HNRNPA2B1: variants seen among roughly 807,000 people sequenced by gnomAD.
HNRNPA2B1 encodes heterogeneous nuclear ribonucleoprotein A2/B1.
A neutral mutation model predicts 46.3 loss-of-function variants in HNRNPA2B1; 3 were observed. The ratio of observed to expected loss-of-function variants is 0.06; its 90% confidence interval spans 0.03 to 0.17. HNRNPA2B1 has a LOEUF of 0.17. HNRNPA2B1 is among the 10% of genes least tolerant of loss of function. The pLI, the probability that HNRNPA2B1 is intolerant of heterozygous loss-of-function variation, is 1.00. For missense variants in HNRNPA2B1, 221 were observed against 418.9 expected (o/e 0.53, Z 4.12); for synonymous variants, 225 against 133.8 (o/e 1.68, Z -4.70).
intron 9 of HNRNPA2B1, 152 bp downstream of exon 9, chr7:26,193,099 A>T: frequency 1.4e-6 from 1 of 693,324 alleles, no homozygotes; most frequent in Non-Finnish European, 2.3e-6. Flanking sequence ...ACTTCTGTGG[A>T]GATTTATGCA....
At chr7:26,192,608 A>T in intron 9 of HNRNPA2B1, 31 bp from the exon 10 acceptor site, 1 of 1,584,330 alleles carries the variant, frequency 6.3e-7, no homozygotes, top group Non-Finnish European at 8.7e-7. Context: ...AGAGAAAACA[A>T]ACTTACTTTG....
chr7:26,200,161 GGA>G (rs931027058), intron 1 of HNRNPA2B1: 7 of 227,788 alleles, frequency 3.1e-5, no homozygotes, highest in South Asian at 1.4e-4. Context: ...CCGGTTCCCG[GGA>G]GAGAGGGGGA....
chr7:26,192,522 T>A lies in HNRNPA2B1; in HGVS notation c.1020A>T (p.Arg340=), dbSNP rs1463876907. ...GGSGGYGGRS[R]Y ...ATGGCAAATAGGAAGAAGCTCAGTA[T>A]CGGCTCCTCCCACCATAACCCCCAC... is the stretch of plus-strand genomic sequence containing the variant. Residue 340 remains arginine, a synonymous_variant, in exon 10 of 11, where the codon CGA becomes CGT. Coordinates refer to ENST00000618183, the MANE Select transcript of HNRNPA2B1 (RefSeq NM_002137.4). 1.9e-6 allele frequency: 3 copies of A among 1,613,604 alleles called. No individual in the cohort carries two copies. Among genetic ancestry groups the A allele is most frequent in the South Asian group, 1.1e-5 (1 of 91,068 alleles).
chr7:26,192,165 A>G lies in HNRNPA2B1; in HGVS notation c.*195T>C, dbSNP rs1319567004. 1 of 194,042 alleles carries G rather than the reference A, an allele frequency of 5.2e-6. No individual in the cohort carries two copies. Among genetic ancestry groups the G allele is most frequent in the African/African-American group, 2.4e-5 (1 of 42,514 alleles). The allele number at this position is 194,042 out of a possible 1,614,324, so 12.0% of individuals were successfully genotyped here. A position where few individuals can be genotyped will look rare whatever the true frequency, so the allele number is the denominator to read the frequency against. On this transcript the variant is annotated 3_prime_UTR_variant, in exon 11 of 11. Transcript: ENST00000618183. Reference sequence around the variant, plus strand: ...CTCCACAGTAAGGTAATGTTATTAAATAATCCAATCCATTCACAAAATGGC... The same window carrying G: ...CTCCACAGTAAGGTAATGTTATTAAGTAATCCAATCCATTCACAAAATGGC...
At position 26,196,667 on chromosome 7, in the gene HNRNPA2B1, A is replaced by T. The variant is rs758888079; in HGVS notation, c.476-9T>A. ...GGTATGGTATTTCTGCACTGGAATGAAAAATTCAGACTCCTTTTAAATTAA... is the reference window on the plus strand; with the variant it reads ...GGTATGGTATTTCTGCACTGGAATGTAAAATTCAGACTCCTTTTAAATTAA... On this transcript the variant is annotated splice_polypyrimidine_tract_variant and intron_variant, in intron 4 of 10. Transcript: ENST00000618183. The T allele has an allele frequency of 1.9e-6, 3 of 1,606,244 alleles. No homozygotes were observed. The highest frequency in any genetic ancestry group is 1.7e-6 in the Non-Finnish European group (2 of 1,174,200).
Position 26,197,658 on chromosome 7 carries a change from G to T in HNRNPA2B1, c.81C>A (p.Asn27Lys). The T allele has an allele frequency of 1.9e-6, 3 of 1,613,830 alleles. No individual in the cohort carries two copies. Among genetic ancestry groups the T allele is most frequent in the Non-Finnish European group, 2.5e-6 (3 of 1,179,810 alleles). The change falls in exon 2 of 11, where the codon AAC becomes AAA. Residue 27 changes from asparagine to lysine, a missense_variant. Coordinates refer to ENST00000618183, the MANE Select transcript of HNRNPA2B1 (RefSeq NM_002137.4). The part of the protein sequence containing the change: ...SFETTEESLR[N>K]YYEQWGKLTD... ...TAAGCTTTCCCCATTGTTCGTAGTA[G>T]TTCCTCAAACTTTCTTCTGTGGTTT...
At position 26,190,284 on chromosome 7, in the gene HNRNPA2B1, T is replaced by C. The variant is rs560954292; in HGVS notation, c.*2076A>G. The C allele has an allele frequency of 6.5e-6, 1 of 152,786 alleles. No homozygotes were observed. Among genetic ancestry groups the C allele is most frequent in the Admixed American group, 6.5e-5 (1 of 15,302 alleles). The allele number at this position is 152,786 out of a possible 1,614,324, so 9.5% of individuals were successfully genotyped here. ...ACACTCATTTTGTAATTGTTTTATA[T>C]CAAGAACCTCAACTAAATGTTTGTT... On this transcript the variant is annotated 3_prime_UTR_variant, in exon 11 of 11. Transcript: ENST00000618183.
At chr7:26,192,628 G>T (rs767113404) in intron 9 of HNRNPA2B1, 51 bp from the exon 10 acceptor site, 3 of 1,448,622 alleles carry the variant, frequency 2.1e-6, no homozygotes, top group Non-Finnish European at 2.9e-6. Context: ...GATTTCCCAT[G>T]ATCAGCCTAA....
intron 9 of HNRNPA2B1, among the ~76,000 whole-genome samples, 164 bp from the exon 10 acceptor site, chr7:26,192,741 G>A (rs761139957): frequency 7.2e-5 from 11 of 152,050 alleles, no homozygotes; most frequent in East Asian, 1.9e-4. Context: ...AAATTACTCG[G>A]GTTCATAGAC....
chr7:26,196,515 TA>T, intron 5 of HNRNPA2B1, 34 bp from the exon 6 acceptor site: 1 of 1,613,034 alleles, frequency 6.2e-7, no homozygotes, highest in East Asian at 2.2e-5. Context: ...AGCAAGCCCT[TA>T]TATATGAACA....
At chr7:26,193,839 C>G (rs1216629924) in intron 7 of HNRNPA2B1, 145 bp from the exon 8 acceptor site, 2 of 735,530 alleles carry the variant, frequency 2.7e-6, no homozygotes, top group Non-Finnish European at 4.4e-6. Flanking sequence ...GACTGAATAA[C>G]TATCCTTGGT....
intron 1 of HNRNPA2B1, 188 bp downstream of exon 1, chr7:26,200,384 G>A (rs893139311): frequency 1.5e-5 from 10 of 676,992 alleles, no homozygotes; most frequent in Non-Finnish European, 2.7e-5. Context: ...GGGAGGCTGA[G>A]GGTGGGGAAG....
At chr7:26,195,024 G>A (rs1451891647) in intron 7 of HNRNPA2B1, among the ~76,000 whole-genome samples, 2 of 147,260 alleles carry the variant, frequency 1.4e-5, no homozygotes, top group Non-Finnish European at 3.0e-5. Flanking sequence ...GACCGGGAAG[G>A]CAGAGATTGC....
chr7:26,193,182 CCCTTT>C lies in HNRNPA2B1; in HGVS notation c.964+64_964+68del, dbSNP rs56684003. 0.013 allele frequency: 19,476 copies of C among 1,452,114 alleles called. 165 individuals carry two copies. Among genetic ancestry groups the C allele is most frequent in the Non-Finnish European group, 0.016 (16,459 of 1,048,106 alleles). The allele number at this position is 1,452,114 out of a possible 1,614,324, so 90.0% of individuals were successfully genotyped here. On this transcript the variant is annotated intron_variant, in intron 9 of 10. Coordinates refer to ENST00000618183, the MANE Select transcript of HNRNPA2B1 (RefSeq NM_002137.4). ...TACAAACTACTTAGTATGTTATCTT[CCCTTT>C]AAGTCACAAAAGGCTAATCCTTTAA...
rs746137254 is a variant in HNRNPA2B1 at position 26,192,611 on chromosome 7, T to A, written c.965-34A>T. On this transcript the variant is annotated intron_variant, in intron 9 of 10. Coordinates refer to ENST00000618183, the MANE Select transcript of HNRNPA2B1 (RefSeq NM_002137.4). ...GTTGGAACAGCAAGAGAAAACAAAC[T>A]TACTTTGATTTCCCATGATCAGCCT... 5 of 1,560,014 alleles carry A rather than the reference T, an allele frequency of 3.2e-6. No homozygotes were observed. The African/African-American group carries it at 4.1e-5, about 13-fold the overall frequency.
At chr7:26,199,952 T>G (rs1418032299) in intron 1 of HNRNPA2B1, 3 of 152,252 alleles carry the variant, frequency 2.0e-5, no homozygotes, top group Admixed American at 2.0e-4. Flanking sequence ...GCGCCTTTAA[T>G]GAGGTGCGCA....
chr7:26,200,666 GCGCTGTAGTGAGAACTGC>G lies in HNRNPA2B1; in HGVS notation c.-107_-90del. On this transcript the variant is annotated 5_prime_UTR_variant, in exon 1 of 11. Coordinates refer to ENST00000618183, the MANE Select transcript of HNRNPA2B1 (RefSeq NM_002137.4). Reference sequence around the variant, plus strand: ...ACGAACACGAACCGGACTCGTCCTGGCGCTGTAGTGAGAACTGCCGCTGCTCGAGAAACAACTCTGCGA... The same window carrying G: ...ACGAACACGAACCGGACTCGTCCTGGCGCTGCTCGAGAAACAACTCTGCGA... 1 of 1,537,998 alleles carries G rather than the reference GCGCTGTAGTGAGAACTGC, an allele frequency of 6.5e-7. No homozygotes were observed. Among genetic ancestry groups the G allele is most frequent in the Non-Finnish European group, 9.0e-7 (1 of 1,114,194 alleles).
Position 26,196,568 on chromosome 7 carries a change from C to G in HNRNPA2B1, c.566G>C (p.Ser189Thr). 6.2e-7 allele frequency: 1 copy of G among 1,613,656 alleles called. No homozygotes were observed. The highest frequency in any genetic ancestry group is 8.5e-7 in the Non-Finnish European group (1 of 1,179,554). ...QEMQEVQSSR[S>T]GRGGNFGFGD... ...AGAATTAAAATTACCTCCTCTTCCA[C>G]TCCTAGAACTCTGAACTTCCTGCAT... The change falls in exon 5 of 11, where the codon AGT becomes ACT. Residue 189 changes from serine to threonine, a missense_variant. This residue lies in a region of HNRNPA2B1 where 143 missense variants were observed against 200.5 expected (regional missense o/e 0.71). Transcript: ENST00000618183.
chr7:26,195,690 T>C, intron 7 of HNRNPA2B1, 157 bp downstream of exon 7: 2 of 732,628 alleles, frequency 2.7e-6, no homozygotes, highest in African/African-American at 1.8e-5. Context: ...ACAGCTAAGA[T>C]GGCAAAACTA....
Sources: gnomAD v4.1 joint callset for allele counts (sites outside exome capture counted in the v4.1 genomes callset) on GRCh38, gnomAD v4.1.1 for gene constraint, gnomAD v4.1.1 regional missense constraint, MANE v1.5 for transcripts, NCBI Gene and HGNC (gene_info 2026-07-23, HGNC 2026-07-21) for gene names.